The following DPP6 variants were observed in gnomAD, a reference collection of about 807,000 sequenced individuals.
DPP6 encodes dipeptidyl peptidase like 6.
Under a neutral mutation model 122.6 loss-of-function variants are expected in DPP6, and 69 were observed. The observed-to-expected ratio is 0.56, with a 90% CI of 0.46 to 0.69. The LOEUF (loss-of-function observed/expected upper bound fraction) is 0.69. Ranked by LOEUF, DPP6 falls within the 30% of genes least tolerant of loss-of-function variation. The pLI is 0.00. For missense variants in DPP6, 928 were observed against 1,116.9 expected (o/e 0.83, Z 2.41); for synonymous variants, 418 against 433.1 (o/e 0.97, Z 0.43).
intron 10 of DPP6, among the ~76,000 whole-genome samples, chr7:154,792,233 T>C (rs1247162421): frequency 1.3e-5 from 2 of 152,262 alleles, no homozygotes; most frequent in African/African-American, 4.8e-5. Flanking sequence ...CATGGAATCT[T>C]GCAACCACAG....
At chr7:154,387,037 G>A (rs547473108) in intron 1 of DPP6, among the ~76,000 whole-genome samples, 1 of 152,300 alleles carries the variant, frequency 6.6e-6, no homozygotes, top group African/African-American at 2.4e-5. Context: ...AGTGAGGCAG[G>A]ACAGCATGTG....
At chr7:154,608,320 C>CAAATATATATATATATATAT (rs1833687717) in intron 5 of DPP6, among the ~76,000 whole-genome samples, 1 of 89,960 alleles carries the variant, frequency 1.1e-5, no homozygotes, top group Non-Finnish European at 2.3e-5. Flanking sequence ...TAGGAGTGAT[C>CAAATATATATATATATATAT]ATATATATAT....
At chr7:153,797,598 C>A in the DPP6 span, among the ~76,000 whole-genome samples, 1 of 152,148 alleles carries the variant, frequency 6.6e-6, no homozygotes, top group African/African-American at 2.4e-5. Flanking sequence ...AGCCTTCTAG[C>A]AAGCTGACTC....
intron 1 of DPP6, among the ~76,000 whole-genome samples, chr7:154,414,802 G>A (rs564369727): frequency 6.6e-6 from 1 of 152,304 alleles, no homozygotes; most frequent in South Asian, 2.1e-4. Context: ...GCCCCACACA[G>A]GTTGCCGAAG....
At chr7:154,859,046 A>G (rs961878541) in intron 17 of DPP6, among the ~76,000 whole-genome samples, 3 of 152,066 alleles carry the variant, frequency 2.0e-5, no homozygotes, top group Non-Finnish European at 4.4e-5. Flanking sequence ...GATGTCTGAC[A>G]AGGGGGGAAA....
At chr7:153,933,764 T>A (rs568665793) in intron 1 of DPP6, among the ~76,000 whole-genome samples, 1 of 152,134 alleles carries the variant, frequency 6.6e-6, no homozygotes, top group African/African-American at 2.4e-5. Flanking sequence ...TCCCTTTTAG[T>A]TCCCCCCCAG....
intron 16 of DPP6, 107 bp downstream of exon 16, chr7:154,807,219 G>A: frequency 6.8e-7 from 1 of 1,465,162 alleles, no homozygotes; most frequent in Non-Finnish European, 9.1e-7. Flanking sequence ...TGGGAGCACA[G>A]CGTATTCCAG....
chr7:154,180,583 T>C (rs1798034371), intron 1 of DPP6, among the ~76,000 whole-genome samples: 1 of 148,478 alleles, frequency 6.7e-6, no homozygotes, highest in Non-Finnish European at 1.5e-5. Context: ...TATATTCGAG[T>C]TTATATTATT....
intron 1 of DPP6, among the ~76,000 whole-genome samples, chr7:154,093,128 AC>A (rs886763249): frequency 6.6e-6 from 1 of 151,210 alleles, no homozygotes; most frequent in Non-Finnish European, 1.5e-5. Flanking sequence ...ACCACATAAC[AC>A]ACATCCTACA....
At chr7:154,876,181 G>A (rs1804836390) in intron 20 of DPP6, 81 bp downstream of exon 20, 1 of 1,427,808 alleles carries the variant, frequency 7.0e-7, no homozygotes. Flanking sequence ...CACAGTGCGG[G>A]AATGCTTTTT....
At chr7:154,276,753 G>T (rs1465289370) in intron 1 of DPP6, among the ~76,000 whole-genome samples, 1 of 152,162 alleles carries the variant, frequency 6.6e-6, no homozygotes, top group Non-Finnish European at 1.5e-5. Flanking sequence ...GTAAGGTTAG[G>T]TTCCTTCAAG....
chr7:153,755,801 G>A, the DPP6 span, among the ~76,000 whole-genome samples: 4 of 152,120 alleles, frequency 2.6e-5, no homozygotes, highest in South Asian at 4.2e-4. Context: ...TTATATCTTT[G>A]TGAAGCTTTG....
rs1234979859 is a variant in DPP6 at position 154,857,116 on chromosome 7, G to A, written c.1714+3289G>A. Among the ~76,000 whole-genome samples, 3 of 152,110 alleles carry A rather than the reference G, an allele frequency of 2.0e-5. No homozygotes were observed. The East Asian group carries it at 5.8e-4, about 29-fold the overall frequency. ...CGCCCTAGCCTGTTTCTGCATTTCT[G>A]GCTGTCAATGTAGTTCAAGCTCTTT... On this transcript the variant is annotated intron_variant, in intron 17 of 25. Transcript: ENST00000377770.
intron 16 of DPP6, among the ~76,000 whole-genome samples, chr7:154,851,427 T>C (rs6597431): frequency 0.21 from 31,892 of 152,178 alleles, 3,824 homozygotes; most frequent in African/African-American, 0.34. Context: ...TTCAAATTTA[T>C]TCACCCTGAA....
chr7:154,583,773 G>A (rs888926892), intron 5 of DPP6, among the ~76,000 whole-genome samples: 6 of 152,134 alleles, frequency 3.9e-5, no homozygotes, highest in African/African-American at 7.2e-5. Context: ...CCTCTGACTC[G>A]GGTGTCAGAC....
At chr7:154,477,589 G>A (rs1034167410) in intron 3 of DPP6, among the ~76,000 whole-genome samples, 1 of 152,158 alleles carries the variant, frequency 6.6e-6, no homozygotes, top group Non-Finnish European at 1.5e-5. Context: ...GTTTCTGGAG[G>A]AACGTGTGCC....
rs185082605 is a variant in DPP6, at chr7:154,147,337, C to T, written c.243+94274C>T. Among the ~76,000 whole-genome samples the T allele has an allele frequency of 1.1e-3, 163 of 152,266 alleles. 1 individual carries two copies. The highest frequency in any genetic ancestry group is 3.8e-3 in the African/African-American group (156 of 41,570). On this transcript the variant is annotated intron_variant, in intron 1 of 25. Transcript: ENST00000377770. ...TTGTCTTCCTGTGGATGAATACATG[C>T]ATAAACATAAGAATAAAGGCAAAAG...
chr7:154,285,301 G>C (rs1804777230), intron 1 of DPP6, among the ~76,000 whole-genome samples: 1 of 152,050 alleles, frequency 6.6e-6, no homozygotes, highest in Non-Finnish European at 1.5e-5. Flanking sequence ...TTTTGCTCTT[G>C]TCACCCAGGC....
chr7:154,079,154 C>G (rs1438518121), intron 1 of DPP6, among the ~76,000 whole-genome samples: 2 of 152,076 alleles, frequency 1.3e-5, no homozygotes, highest in Non-Finnish European at 2.9e-5. Context: ...GAGATCGCAC[C>G]ACTGTACTCC....
Sources: gnomAD v4.1 joint callset for allele counts (sites outside exome capture counted in the v4.1 genomes callset) on GRCh38, gnomAD v4.1.1 for gene constraint, MANE v1.5 for transcripts, NCBI Gene and HGNC (gene_info 2026-07-23, HGNC 2026-07-21) for gene names.